The following CLSTN2 variants were observed in gnomAD, a reference collection of about 807,000 sequenced individuals.
The protein encoded by CLSTN2 is calsyntenin 2, also known as calsyntenin-2.
In CLSTN2, 48 loss-of-function variants were observed where a neutral mutation model predicts 101.2. The ratio of observed to expected loss-of-function variants is 0.47; its 90% CI spans 0.38 to 0.60. The LOEUF (loss-of-function observed/expected upper bound fraction) is 0.60. Ranked by LOEUF, CLSTN2 falls within the 20% of genes least tolerant of loss-of-function variation. CLSTN2 has a pLI of 0.00. For missense variants in CLSTN2, 1,160 were observed against 1,238.2 expected (o/e 0.94, Z 0.95); for synonymous variants, 481 against 463.6 (o/e 1.04, Z -0.48).
intron 2 of CLSTN2, among the ~76,000 whole-genome samples, chr3:140,362,512 G>A (rs1393393076): frequency 1.3e-5 from 2 of 151,888 alleles, no homozygotes; most frequent in East Asian, 3.8e-4. Flanking sequence ...AGAGCATTAA[G>A]AATGTAAAAA....
intron 2 of CLSTN2, among the ~76,000 whole-genome samples, chr3:140,203,003 C>A (rs2010736819): frequency 6.6e-6 from 1 of 152,122 alleles, no homozygotes; most frequent in South Asian, 2.1e-4. Context: ...CAGTAGAGGA[C>A]CCCGTAGCCT....
At chr3:140,303,810 G>A (rs1308642155) in intron 2 of CLSTN2, among the ~76,000 whole-genome samples, 1 of 151,894 alleles carries the variant, frequency 6.6e-6, no homozygotes, top group Non-Finnish European at 1.5e-5. Context: ...CTGGCCAGAT[G>A]CATGAGGAGA....
intron 1 of CLSTN2, among the ~76,000 whole-genome samples, chr3:140,064,749 T>C (rs929559037): frequency 6.6e-6 from 1 of 152,120 alleles, no homozygotes; most frequent in African/African-American, 2.4e-5. Context: ...GAGAATAACA[T>C]TAGAATTTAT....
At chr3:140,230,189 G>T (rs577047630) in intron 2 of CLSTN2, among the ~76,000 whole-genome samples, 1 of 152,094 alleles carries the variant, frequency 6.6e-6, no homozygotes, top group African/African-American at 2.4e-5. Flanking sequence ...GGCCGTTTTG[G>T]CATGGTTGCT....
At chr3:140,503,325 G>C (rs1934617812) in intron 8 of CLSTN2, among the ~76,000 whole-genome samples, 1 of 152,112 alleles carries the variant, frequency 6.6e-6, no homozygotes, top group Non-Finnish European at 1.5e-5. Context: ...TTATAATACT[G>C]CATCACCATT....
intron 1 of CLSTN2, among the ~76,000 whole-genome samples, chr3:139,985,411 C>A (rs1652947741): frequency 6.6e-6 from 1 of 152,118 alleles, no homozygotes; most frequent in Admixed American, 6.5e-5. Context: ...CCTCGCAAAA[C>A]CTCTTAGATG....
Position 140,448,509 on chromosome 3 carries a change from G to A in CLSTN2, c.788-10G>A. 1 of 1,598,836 alleles carries A rather than the reference G, an allele frequency of 6.3e-7. No individual in the cohort carries two copies. The highest frequency in any genetic ancestry group is 8.6e-7 in the Non-Finnish European group (1 of 1,168,444). On this transcript the variant is annotated splice_polypyrimidine_tract_variant and intron_variant, in intron 5 of 16. Coordinates refer to ENST00000458420, the MANE Select transcript of CLSTN2 (RefSeq NM_022131.3). ...CTGATTCACTTTTCATCCTTTCCTT[G>A]TTTGTTTAGACTGGACCAAGAGGAT...
chr3:140,347,584 C>T lies in CLSTN2; in HGVS notation c.233-56045C>T, dbSNP rs576489771. 2.0e-5 allele frequency among the ~76,000 whole-genome samples: 3 copies of T among 152,358 alleles called. No individual in the cohort carries two copies. In the East Asian group the frequency reaches 5.8e-4, roughly 29 times the overall value. On this transcript the variant is annotated intron_variant, in intron 2 of 16. Transcript: ENST00000458420. ...GATAAGGCCTCAGTGGATTATTTCTCTTCTGGAGTCAACAGGGAATGAGCC... is the reference window on the plus strand; with the variant it reads ...GATAAGGCCTCAGTGGATTATTTCTTTTCTGGAGTCAACAGGGAATGAGCC...
At chr3:139,966,646 T>A (rs1315651419) in intron 1 of CLSTN2, among the ~76,000 whole-genome samples, 3 of 152,234 alleles carry the variant, frequency 2.0e-5, no homozygotes, top group Admixed American at 2.0e-4. Context: ...CTTTGGAGCA[T>A]GAATAATACT....
chr3:140,388,052 C>A (rs2088073138), intron 2 of CLSTN2, among the ~76,000 whole-genome samples: 1 of 152,234 alleles, frequency 6.6e-6, no homozygotes, highest in Non-Finnish European at 1.5e-5. Flanking sequence ...TCTCACGCTT[C>A]ACCAGCAGTA....
intron 1 of CLSTN2, among the ~76,000 whole-genome samples, chr3:140,168,052 C>T (rs1271168938): frequency 2.6e-5 from 4 of 152,154 alleles, no homozygotes; most frequent in African/African-American, 9.7e-5. Flanking sequence ...TTTATGTTTT[C>T]ATTCCTCTTG....
chr3:140,074,516 G>C (rs1437990488), intron 1 of CLSTN2, among the ~76,000 whole-genome samples: 2 of 152,164 alleles, frequency 1.3e-5, no homozygotes, highest in East Asian at 3.9e-4. Context: ...TGCAGTTCTG[G>C]CTTCTTGCCC....
intron 1 of CLSTN2, among the ~76,000 whole-genome samples, chr3:139,961,835 T>C (rs1252261620): frequency 1.3e-5 from 2 of 152,158 alleles, no homozygotes; most frequent in East Asian, 3.8e-4. Context: ...TCAGAGATAA[T>C]CCTAAAGGTA....
intron 1 of CLSTN2, among the ~76,000 whole-genome samples, chr3:140,055,104 A>G (rs2008074855): frequency 6.6e-6 from 1 of 152,244 alleles, no homozygotes; most frequent in South Asian, 2.1e-4. Flanking sequence ...AAAGCAGCTC[A>G]GTGATGTGTA....
At chr3:140,418,028 A>G (rs757104895) in intron 4 of CLSTN2, among the ~76,000 whole-genome samples, 51 of 152,182 alleles carry the variant, frequency 3.4e-4, no homozygotes, top group African/African-American at 7.7e-4. Context: ...ACCACAATCA[A>G]TAGTGTTTGG....
At chr3:139,958,902 A>C (rs1370329621) in intron 1 of CLSTN2, among the ~76,000 whole-genome samples, 1 of 149,640 alleles carries the variant, frequency 6.7e-6, no homozygotes, top group Non-Finnish European at 1.5e-5. Context: ...AGTGTCATTC[A>C]TTTGCCTGTT....
At chr3:140,224,202 G>T (rs2086299405) in intron 2 of CLSTN2, among the ~76,000 whole-genome samples, 1 of 152,068 alleles carries the variant, frequency 6.6e-6, no homozygotes, top group South Asian at 2.1e-4. Context: ...GCCCCAGCCT[G>T]GCCCCCTCCT....
chr3:140,131,706 G>A (rs1487869443), intron 1 of CLSTN2, among the ~76,000 whole-genome samples: 1 of 152,064 alleles, frequency 6.6e-6, no homozygotes, highest in Non-Finnish European at 1.5e-5. Context: ...ATCATGAGAG[G>A]CCTCATATCC....
chr3:140,089,875 G>T (rs1289063074), intron 1 of CLSTN2, among the ~76,000 whole-genome samples: 3 of 151,436 alleles, frequency 2.0e-5, no homozygotes, highest in African/African-American at 4.9e-5. Context: ...TAAAGAAAGG[G>T]GAAAGAAACA....
Sources: allele counts gnomAD v4.1 joint callset (sites outside exome capture counted in the v4.1 genomes callset), GRCh38; gene constraint gnomAD v4.1.1; transcripts MANE v1.5; gene names NCBI Gene and HGNC (gene_info 2026-07-23, HGNC 2026-07-21).